Variants in MDGA2 observed in about 807,000 individuals in gnomAD.
MDGA2 encodes MAM domain-containing glycosylphosphatidylinositol anchor protein 2.
Under a neutral mutation model 117.8 loss-of-function variants are expected in MDGA2, and 40 were observed. That is an observed-to-expected ratio of 0.34 (90% CI 0.26 to 0.44). The LOEUF is 0.44. Ranked by LOEUF, MDGA2 falls within the 20% of genes least tolerant of loss-of-function variation. The pLI, the probability that MDGA2 is intolerant of heterozygous loss-of-function variation, is 1.00. For synonymous variants in MDGA2, 452 were observed against 439.0 expected (o/e 1.03, Z -0.37); for missense variants, 1,123 against 1,250.6 (o/e 0.90, Z 1.54).
chr14:47,590,604 G>T (rs902519582), intron 1 of MDGA2, among the ~76,000 whole-genome samples: 1 of 151,832 alleles, frequency 6.6e-6, no homozygotes, highest in African/African-American at 2.4e-5. Context: ...TAGCACTACA[G>T]GGTAACTACA....
chr14:47,330,469 A>G (rs553416417), intron 1 of MDGA2, among the ~76,000 whole-genome samples: 6 of 152,022 alleles, frequency 3.9e-5, no homozygotes, highest in African/African-American at 1.2e-4. Flanking sequence ...GCACCATTAG[A>G]GGAAATAATC....
intron 8 of MDGA2, among the ~76,000 whole-genome samples, chr14:47,010,695 T>C (rs1009955104): frequency 2.0e-5 from 3 of 152,012 alleles, no homozygotes; most frequent in Non-Finnish European, 1.5e-5. Context: ...ATTTTTTGCA[T>C]TGCATTAATG....
At chr14:47,491,460 C>T (rs995055195) in intron 1 of MDGA2, among the ~76,000 whole-genome samples, 1 of 152,022 alleles carries the variant, frequency 6.6e-6, no homozygotes, top group African/African-American at 2.4e-5. Flanking sequence ...AAGATATCAA[C>T]AATAAAGATT....
intron 11 of MDGA2, among the ~76,000 whole-genome samples, chr14:46,880,078 A>G (rs1179068920): frequency 1.3e-5 from 2 of 152,092 alleles, no homozygotes; most frequent in Non-Finnish European, 2.9e-5. Context: ...CCGTAATCCA[A>G]GCACTTTGGG....
intron 1 of MDGA2, among the ~76,000 whole-genome samples, chr14:47,338,670 T>C (rs565291694): frequency 3.3e-5 from 5 of 152,220 alleles, no homozygotes; most frequent in East Asian, 1.9e-4. Flanking sequence ...GGTAGGTTCA[T>C]GGACACCTCA....
intron 2 of MDGA2, among the ~76,000 whole-genome samples, chr14:47,275,378 G>A (rs1359738030): frequency 6.6e-6 from 1 of 152,084 alleles, no homozygotes; most frequent in African/African-American, 2.4e-5. Context: ...CTATGCTATT[G>A]CTAGTTACAG....
At chr14:47,272,971 A>G (rs1888195487) in intron 2 of MDGA2, among the ~76,000 whole-genome samples, 1 of 152,090 alleles carries the variant, frequency 6.6e-6, no homozygotes, top group African/African-American at 2.4e-5. Context: ...CCACTTAACT[A>G]AGGCAGTGAT....
At chr14:46,876,628 C>T (rs182640309) in intron 12 of MDGA2, among the ~76,000 whole-genome samples, 219 of 151,438 alleles carry the variant, frequency 1.4e-3, no homozygotes, top group Middle Eastern at 3.4e-3. Context: ...TTCTCCATTA[C>T]GTGGTCTTCA....
At chr14:47,167,641 T>G (rs1010471526) in intron 3 of MDGA2, among the ~76,000 whole-genome samples, 2 of 152,054 alleles carry the variant, frequency 1.3e-5, no homozygotes, top group Non-Finnish European at 1.5e-5. Flanking sequence ...CTCAGGCATA[T>G]TAGATTACAA....
chr14:46,929,010 A>G (rs1399146486), intron 9 of MDGA2, among the ~76,000 whole-genome samples: 2 of 152,190 alleles, frequency 1.3e-5, no homozygotes, highest in African/African-American at 4.8e-5. Context: ...CTCATGGGCC[A>G]TATACACACA....
At chr14:47,060,317 T>G (rs1437423696) in intron 7 of MDGA2, among the ~76,000 whole-genome samples, 1 of 152,124 alleles carries the variant, frequency 6.6e-6, no homozygotes, top group Admixed American at 6.6e-5. Context: ...CAGTGTTCAC[T>G]GCAATTTGGA....
intron 9 of MDGA2, among the ~76,000 whole-genome samples, chr14:46,948,051 G>A (rs1024485920): frequency 6.6e-6 from 1 of 151,762 alleles, no homozygotes; most frequent in Non-Finnish European, 1.5e-5. Flanking sequence ...CTGCAATTTA[G>A]TCTAGTAATA....
intron 3 of MDGA2, among the ~76,000 whole-genome samples, chr14:47,151,320 G>T (rs755300979): frequency 1.3e-5 from 2 of 152,200 alleles, no homozygotes; most frequent in Admixed American, 6.5e-5. Flanking sequence ...CCCACAGTGA[G>T]GTGGCTCTTG....
intron 1 of MDGA2, among the ~76,000 whole-genome samples, chr14:47,573,570 G>A (rs530752982): frequency 1.3e-5 from 2 of 152,224 alleles, no homozygotes; most frequent in Admixed American, 6.5e-5. Context: ...CTGTGAAATG[G>A]GGGAAAAGTA....
intron 1 of MDGA2, among the ~76,000 whole-genome samples, chr14:47,659,892 T>C (rs1897813214): frequency 6.6e-6 from 1 of 152,206 alleles, no homozygotes; most frequent in Non-Finnish European, 1.5e-5. Context: ...TTGAAATTTT[T>C]AGTTACAAAA....
chr14:47,170,256 GA>G (rs1330266441), intron 3 of MDGA2, among the ~76,000 whole-genome samples: 4 of 152,200 alleles, frequency 2.6e-5, no homozygotes, highest in African/African-American at 7.2e-5. Flanking sequence ...AGGCAAATGA[GA>G]AGAAGGAAAG....
chr14:47,068,057 TAG>T (rs1229919125), intron 6 of MDGA2, among the ~76,000 whole-genome samples: 3 of 152,128 alleles, frequency 2.0e-5, no homozygotes, highest in African/African-American at 4.8e-5. Flanking sequence ...AATCTAAATG[TAG>T]AGTCAGACGA....
At chr14:47,355,601 T>C (rs973835927) in intron 1 of MDGA2, among the ~76,000 whole-genome samples, 6 of 151,968 alleles carry the variant, frequency 3.9e-5, no homozygotes, top group Non-Finnish European at 8.8e-5. Context: ...GATCTCCCAC[T>C]AAACTGCCAG....
chr14:46,925,311 G>T (rs750272881), intron 9 of MDGA2, among the ~76,000 whole-genome samples: 20 of 152,084 alleles, frequency 1.3e-4, no homozygotes, highest in Middle Eastern at 3.4e-3. Context: ...TAAATAGTAA[G>T]ATTAGACTTA....
Sources: gnomAD v4.1 joint callset for allele counts (sites outside exome capture counted in the v4.1 genomes callset) on GRCh38, gnomAD v4.1.1 for gene constraint, MANE v1.5 for transcripts, NCBI Gene and HGNC (gene_info 2026-07-23, HGNC 2026-07-21) for gene names.